Variants in CDKAL1 observed in about 807,000 individuals in gnomAD.
CDKAL1 encodes threonylcarbamoyladenosine tRNA methylthiotransferase.
Under a neutral mutation model 68.2 loss-of-function variants are expected in CDKAL1, and 32 were observed. The ratio of observed to expected loss-of-function variants is 0.47; its 90% CI spans 0.35 to 0.63. The LOEUF (loss-of-function observed/expected upper bound fraction) is 0.63, where lower values mean the gene tolerates loss of function less well. Ranked by LOEUF, CDKAL1 falls within the 30% of genes least tolerant of loss-of-function variation. CDKAL1 has a pLI of 0.00. For missense variants in CDKAL1, 606 were observed against 696.7 expected (o/e 0.87, Z 1.47); for synonymous variants, 234 against 244.3 (o/e 0.96, Z 0.39).
At chr6:20,874,347 G>T (rs1410067768) in intron 9 of CDKAL1, among the ~76,000 whole-genome samples, 2 of 151,890 alleles carry the variant, frequency 1.3e-5, no homozygotes, top group South Asian at 2.1e-4. Context: ...TGTCGTCCAG[G>T]CTGGATGATA....
intron 9 of CDKAL1, among the ~76,000 whole-genome samples, chr6:20,932,069 A>T (rs899172030): frequency 6.6e-6 from 1 of 152,172 alleles, no homozygotes; most frequent in African/African-American, 2.4e-5. Flanking sequence ...TCTATATATC[A>T]TGGTGACACA....
At chr6:20,665,423 A>G (rs1181446735) in intron 5 of CDKAL1, among the ~76,000 whole-genome samples, 2 of 152,162 alleles carry the variant, frequency 1.3e-5, no homozygotes, top group African/African-American at 2.4e-5. Flanking sequence ...TGGCCTGTAT[A>G]CAGAATTACA....
chr6:21,158,080 A>G (rs1373635266), intron 13 of CDKAL1, among the ~76,000 whole-genome samples: 1 of 152,200 alleles, frequency 6.6e-6, no homozygotes, highest in Non-Finnish European at 1.5e-5. Flanking sequence ...TATTTTATAC[A>G]TATGTGTCAG....
chr6:21,006,306 GA>G (rs1032599009), intron 11 of CDKAL1, among the ~76,000 whole-genome samples: 3 of 149,998 alleles, frequency 2.0e-5, no homozygotes, highest in African/African-American at 7.3e-5. Context: ...AAATGCAAAA[GA>G]AAAAAAAAGA....
intron 11 of CDKAL1, among the ~76,000 whole-genome samples, chr6:21,008,363 G>A (rs1767839997): frequency 1.3e-5 from 2 of 152,152 alleles, no homozygotes; most frequent in East Asian, 3.9e-4. Flanking sequence ...GTAATAATGG[G>A]AAAGGAAAAA....
At chr6:20,753,167 C>T (rs1458843864) in intron 6 of CDKAL1, among the ~76,000 whole-genome samples, 2 of 152,086 alleles carry the variant, frequency 1.3e-5, no homozygotes, top group African/African-American at 4.8e-5. Flanking sequence ...TAGCAACTGC[C>T]TTTCATTCTC....
At chr6:20,899,715 T>C (rs769109579) in intron 9 of CDKAL1, among the ~76,000 whole-genome samples, 1 of 152,138 alleles carries the variant, frequency 6.6e-6, no homozygotes, top group Non-Finnish European at 1.5e-5. Flanking sequence ...TGGTGGCCCA[T>C]GCCTATAATC....
At chr6:21,115,504 G>A (rs1002191536) in intron 13 of CDKAL1, among the ~76,000 whole-genome samples, 3 of 152,152 alleles carry the variant, frequency 2.0e-5, no homozygotes, top group African/African-American at 7.2e-5. Context: ...TTATTGATTT[G>A]GCATGTTTAT....
intron 4 of CDKAL1, among the ~76,000 whole-genome samples, chr6:20,554,262 T>A (rs975640761): frequency 6.6e-6 from 1 of 152,238 alleles, no homozygotes; most frequent in Non-Finnish European, 1.5e-5. Flanking sequence ...ATAATTAGAT[T>A]AGTATCTTGG....
chr6:20,667,393 C>G (rs916647178), intron 5 of CDKAL1, among the ~76,000 whole-genome samples: 1 of 152,116 alleles, frequency 6.6e-6, no homozygotes, highest in African/African-American at 2.4e-5. Flanking sequence ...GACAATGATA[C>G]CTGAATGGGT....
intron 12 of CDKAL1, among the ~76,000 whole-genome samples, chr6:21,073,017 C>G (rs935048793): frequency 1.3e-5 from 2 of 152,148 alleles, no homozygotes; most frequent in African/African-American, 4.8e-5. Context: ...CCCTGGCAAC[C>G]ACTGATCTAC....
intron 9 of CDKAL1, among the ~76,000 whole-genome samples, chr6:20,885,146 C>CT (rs942451911): frequency 1.2e-3 from 184 of 151,964 alleles, no homozygotes; most frequent in African/African-American, 3.1e-3. Context: ...CAGCACTCCC[C>CT]TTTTTTTTGC....
At chr6:20,839,711 TTGTC>T (rs1778099618) in intron 8 of CDKAL1, among the ~76,000 whole-genome samples, 2 of 152,172 alleles carry the variant, frequency 1.3e-5, no homozygotes, top group Non-Finnish European at 2.9e-5. Context: ...TGTTGATCCT[TTGTC>T]TGGCAAGATC....
At position 20,835,481 on chromosome 6, in the gene CDKAL1, T is replaced by TTTGTCTTGTC. The variant is rs143490469; in HGVS notation, c.639-10561_639-10552dup. ...AACTCCTTTGCTTTGCTTTGCTTTG[T>TTTGTCTTGTC]TTGTCTTGTCTTGTCTTGTCTTGTC... On this transcript the variant is annotated intron_variant, in intron 8 of 15. Transcript: ENST00000274695. Among the ~76,000 whole-genome samples, 404 of 149,766 alleles carry TTTGTCTTGTC rather than the reference T, an allele frequency of 2.7e-3. 4 individuals are homozygous for TTTGTCTTGTC. Among genetic ancestry groups the TTTGTCTTGTC allele is most frequent in the African/African-American group, 9.2e-3 (374 of 40,664 alleles).
chr6:20,685,193 G>A (rs1770561682), intron 5 of CDKAL1, among the ~76,000 whole-genome samples: 1 of 152,194 alleles, frequency 6.6e-6, no homozygotes, highest in African/African-American at 2.4e-5. Flanking sequence ...TGTAAGGTCT[G>A]TGTTTAGATT....
intron 7 of CDKAL1, among the ~76,000 whole-genome samples, chr6:20,761,447 AC>A (rs1774461058): frequency 1.3e-5 from 2 of 152,250 alleles, no homozygotes; most frequent in African/African-American, 4.8e-5. Flanking sequence ...TTGAAAACTT[AC>A]GTCTATACAA....
At chr6:20,732,411 G>GA (rs1292215866) in intron 5 of CDKAL1, among the ~76,000 whole-genome samples, 3 of 150,604 alleles carry the variant, frequency 2.0e-5, no homozygotes, top group Non-Finnish European at 4.4e-5. Flanking sequence ...GAGTAGCTGG[G>GA]ATTGCAGCTG....
chr6:20,649,811 A>G (rs1272512514), intron 5 of CDKAL1, among the ~76,000 whole-genome samples: 3 of 152,180 alleles, frequency 2.0e-5, no homozygotes, highest in East Asian at 3.9e-4. Context: ...AAGTGAGAAC[A>G]TGCAGTGTTT....
chr6:20,924,623 G>A (rs531271656), intron 9 of CDKAL1, among the ~76,000 whole-genome samples: 1 of 152,320 alleles, frequency 6.6e-6, no homozygotes, highest in Admixed American at 6.5e-5. Context: ...CCAGAGCAAA[G>A]CCCTAACTCT....
Sources: allele counts gnomAD v4.1 joint callset (sites outside exome capture counted in the v4.1 genomes callset), GRCh38; gene constraint gnomAD v4.1.1; transcripts MANE v1.5; gene names NCBI Gene and HGNC (gene_info 2026-07-23, HGNC 2026-07-21).